Variants in COL22A1 observed in about 807,000 individuals in gnomAD.
COL22A1 encodes the protein collagen alpha-1(XXII) chain.
Under a neutral mutation model 248.9 loss-of-function variants are expected in COL22A1, and 221 were observed. The observed-to-expected ratio is 0.89, with a 90% CI of 0.80 to 0.99. The LOEUF is 0.99. Among genes scored for constraint, COL22A1 ranks in the 50% least tolerant of loss-of-function variants. The pLI is 0.00. For missense variants in COL22A1, 2,240 were observed against 2,179.0 expected, an observed-to-expected ratio of 1.03 and a Z score of -0.56; for synonymous variants, 891 against 793.4, an observed-to-expected ratio of 1.12 and a Z score of -2.07.
At chr8:138,613,831 T>C in intron 56 of COL22A1, 36 bp downstream of exon 56, 1 of 1,581,448 alleles carries the variant, frequency 6.3e-7, no homozygotes, top group South Asian at 1.1e-5. Flanking sequence ...GGTCCTGTAA[T>C]AACATGAAGC....
At chr8:138,642,557 G>C (rs1821809443) in intron 47 of COL22A1, among the ~76,000 whole-genome samples, 2 of 152,242 alleles carry the variant, frequency 1.3e-5, no homozygotes, top group South Asian at 4.2e-4. Flanking sequence ...GAAGCTTTCT[G>C]TTCTCAGAAT....
rs28546767 is a variant in COL22A1 at position 138,610,100 on chromosome 8, C to T, written c.3979-2111G>A. Among the ~76,000 whole-genome samples, 400 of 152,382 alleles carry T rather than the reference C, an allele frequency of 2.6e-3. 3 individuals are homozygous for T. The highest frequency in any genetic ancestry group is 9.0e-3 in the African/African-American group (374 of 41,594). ...GAATGAGAATGCTGGAGTCCAAATC[C>T]TGGCTGTGCCACTGACTTGCAGTGT... is the stretch of plus-strand genomic sequence containing the variant. On this transcript the variant is annotated intron_variant, in intron 56 of 64. Transcript: ENST00000303045.
At chr8:138,783,336 G>A (rs1815211694) in intron 12 of COL22A1, among the ~76,000 whole-genome samples, 1 of 151,896 alleles carries the variant, frequency 6.6e-6, no homozygotes, top group Admixed American at 6.6e-5. Flanking sequence ...CTAACAACAA[G>A]ATCACAAGGT....
chr8:138,861,281 C>T (rs1231719752), intron 3 of COL22A1, among the ~76,000 whole-genome samples: 1 of 152,212 alleles, frequency 6.6e-6, no homozygotes, highest in Non-Finnish European at 1.5e-5. Context: ...TCACATGAAG[C>T]TCATGGGATC....
intron 50 of COL22A1, among the ~76,000 whole-genome samples, chr8:138,626,887 G>A (rs1820291202): frequency 6.6e-6 from 1 of 152,016 alleles, no homozygotes; most frequent in South Asian, 2.1e-4. Context: ...TTATAAATCA[G>A]CATTATATAA....
chr8:138,853,009 T>C (rs1278778717), intron 3 of COL22A1, among the ~76,000 whole-genome samples: 3 of 151,504 alleles, frequency 2.0e-5, no homozygotes, highest in Non-Finnish European at 2.9e-5. Flanking sequence ...TATATATATA[T>C]ACATGCACAT....
chr8:138,721,918 G>T, intron 26 of COL22A1, 118 bp downstream of exon 26: 1 of 825,804 alleles, frequency 1.2e-6, no homozygotes, highest in South Asian at 1.4e-5. Context: ...CATTTCAACT[G>T]AATCCTGATC....
chr8:138,834,040 G>A (rs927021652), intron 4 of COL22A1, among the ~76,000 whole-genome samples: 1 of 152,148 alleles, frequency 6.6e-6, no homozygotes, highest in African/African-American at 2.4e-5. Context: ...ACCAGCACAC[G>A]CTGTCCACAT....
Position 138,883,261 on chromosome 8 carries a change from A to G in COL22A1, c.-72-17T>C, listed in dbSNP as rs1824381495. 5 of 1,303,484 alleles carry G rather than the reference A, an allele frequency of 3.8e-6. No individual in the cohort carries two copies. Among genetic ancestry groups the G allele is most frequent in the Non-Finnish European group, 5.3e-6 (5 of 944,372 alleles). The allele number at this position is 1,303,484 out of a possible 1,614,324, so 80.7% of individuals were successfully genotyped here. A position where few individuals can be genotyped will look rare whatever the true frequency, so the allele number is the denominator to read the frequency against. On this transcript the variant is annotated splice_polypyrimidine_tract_variant and intron_variant, in intron 1 of 64. Transcript: ENST00000303045. ...CAGCATGGCCTGTGTGGAGAAAGAC[A>G]CCCTTAGAGAAGGCTCTCAAGCTGA...
intron 60 of COL22A1, 71 bp from the exon 61 acceptor site, chr8:138,598,969 G>A (rs1817767855): frequency 6.6e-7 from 1 of 1,513,314 alleles, no homozygotes. Context: ...CTGCAAAAGG[G>A]GTTCCCCCAG....
At chr8:138,750,021 T>C (rs1018205283) in intron 22 of COL22A1, among the ~76,000 whole-genome samples, 1 of 152,212 alleles carries the variant, frequency 6.6e-6, no homozygotes, top group Non-Finnish European at 1.5e-5. Context: ...CATGCTGTTC[T>C]CATGATAGTA....
intron 15 of COL22A1, among the ~76,000 whole-genome samples, chr8:138,777,259 C>T (rs994063541): frequency 6.6e-6 from 1 of 152,194 alleles, no homozygotes; most frequent in Non-Finnish European, 1.5e-5. Context: ...AGAGAGAGTA[C>T]AGGGCCAAGG....
chr8:138,685,150 C>T, intron 38 of COL22A1, 58 bp downstream of exon 38: 3 of 1,202,884 alleles, frequency 2.5e-6, no homozygotes, highest in Non-Finnish European at 2.4e-6. Context: ...TTTTCCTTTT[C>T]CTTCTCTAAT....
In COL22A1 at chr8:138,878,147, G is replaced by C. The variant is rs745512579; in HGVS notation, c.261C>G (p.Thr87=). The C allele has an allele frequency of 1.1e-5, 17 of 1,605,670 alleles. No individual in the cohort carries two copies. In the East Asian group the frequency reaches 3.8e-4, roughly 36 times the overall value. The change falls in exon 3 of 65, where the codon ACC becomes ACG. Residue 87 remains threonine, a synonymous_variant. Transcript: ENST00000303045. ...VGVVRYSDRP[T]TAFELGLFGS... ...CAAAGAGTCCCAACTCGAAGGCCGT[G>C]GTGGGCCGGTCGCTGTAGCGCACGA...
At chr8:138,705,298 C>T (rs1217438800) in intron 30 of COL22A1, among the ~76,000 whole-genome samples, 1 of 152,104 alleles carries the variant, frequency 6.6e-6, no homozygotes, top group East Asian at 1.9e-4. Context: ...AAAGATACTC[C>T]TCGAGAAGAG....
At chr8:138,728,678 C>A (rs1340059787) in intron 23 of COL22A1, among the ~76,000 whole-genome samples, 1 of 151,902 alleles carries the variant, frequency 6.6e-6, no homozygotes, top group African/African-American at 2.4e-5. Flanking sequence ...GGAAATTAAA[C>A]CTCCTTGTCT....
chr8:138,664,205 GCGCGCACACACACA>G (rs1256071357), intron 41 of COL22A1, among the ~76,000 whole-genome samples: 1,300 of 96,996 alleles, frequency 0.013, 25 homozygotes, highest in Non-Finnish European at 0.018. Context: ...GCGCGCGCGC[GCGCGCACACACACA>G]CACACACACA....
Position 138,883,180 on chromosome 8 carries a change from C to G in COL22A1, c.-8G>C, listed in dbSNP as rs1004901862. 1.3e-6 allele frequency: 2 copies of G among 1,573,848 alleles called. No individual in the cohort carries two copies. Among genetic ancestry groups the G allele is most frequent in the Admixed American group, 3.7e-5 (2 of 54,056 alleles). On this transcript the variant is annotated 5_prime_UTR_variant, in exon 2 of 65. Transcript: ENST00000303045. The stretch of plus-strand genomic sequence containing the variant: ...CCCTCGGAGGCCGGCCATGGCTCTC[C>G]TGTTCTTGGGGACAGGCTTCTCTTG...
intron 46 of COL22A1, among the ~76,000 whole-genome samples, chr8:138,646,965 A>G (rs1245892140): frequency 2.0e-5 from 3 of 152,214 alleles, no homozygotes; most frequent in African/African-American, 7.2e-5. Flanking sequence ...AACCTGGAGC[A>G]GCCGTCCTGC....
Sources: allele counts gnomAD v4.1 joint callset (sites outside exome capture counted in the v4.1 genomes callset), GRCh38; gene constraint gnomAD v4.1.1; transcripts MANE v1.5; gene names NCBI Gene and HGNC (gene_info 2026-07-23, HGNC 2026-07-21).